Variants in ARID3B observed in about 807,000 individuals in gnomAD.
ARID3B encodes the protein AT-rich interactive domain-containing protein 3B.
A neutral mutation model predicts 51.9 loss-of-function variants in ARID3B; 10 were observed. The observed-to-expected ratio is 0.19, with a 90% CI of 0.12 to 0.33. The LOEUF is 0.33. Among genes scored for constraint, ARID3B ranks in the 10% least tolerant of loss-of-function variants. ARID3B has a pLI of 1.00. For synonymous variants in ARID3B, 205 were observed against 279.5 expected (o/e 0.73, Z 2.66); for missense variants, 483 against 716.3 (o/e 0.67, Z 3.72).
intron 8 of ARID3B, among the ~76,000 whole-genome samples, chr15:74,594,447 C>CA (rs922477270): frequency 1.0e-3 from 144 of 143,542 alleles, no homozygotes; most frequent in South Asian, 5.1e-3. Flanking sequence ...GACTCCGTCT[C>CA]AAAAAAAAAA....
intron 2 of ARID3B, among the ~76,000 whole-genome samples, chr15:74,570,613 A>G (rs2061715956): frequency 6.6e-6 from 1 of 152,182 alleles, no homozygotes; most frequent in Non-Finnish European, 1.5e-5. Context: ...CAGCTGACAT[A>G]ACAGAAGCGG....
At chr15:74,585,346 C>G (rs1354415656) in intron 4 of ARID3B, among the ~76,000 whole-genome samples, 2 of 152,190 alleles carry the variant, frequency 1.3e-5, no homozygotes, top group Admixed American at 1.3e-4. Context: ...GGCCAGAGAC[C>G]CCTTGCTCCC....
At chr15:74,590,051 GA>G in intron 5 of ARID3B, 48 bp downstream of exon 5, 1 of 1,537,058 alleles carries the variant, frequency 6.5e-7, no homozygotes, top group Non-Finnish European at 8.8e-7. Flanking sequence ...GGAGAAAGGG[GA>G]TGTTGTAACC....
At chr15:74,579,352 G>A (rs747068908) in intron 4 of ARID3B, among the ~76,000 whole-genome samples, 8 of 152,282 alleles carry the variant, frequency 5.3e-5, no homozygotes, top group East Asian at 1.9e-4. Context: ...GGGACGAGGC[G>A]CAGTGCCCTG....
chr15:74,569,238 C>T (rs528967756), intron 2 of ARID3B, among the ~76,000 whole-genome samples: 1 of 152,266 alleles, frequency 6.6e-6, no homozygotes, highest in South Asian at 2.1e-4. Flanking sequence ...CTGTAACCCA[C>T]CCAATGAAAG....
At chr15:74,587,394 G>A (rs770023624) in intron 4 of ARID3B, among the ~76,000 whole-genome samples, 8 of 152,212 alleles carry the variant, frequency 5.3e-5, no homozygotes, top group Non-Finnish European at 1.2e-4. Context: ...AGGAGCCAGT[G>A]CTGACACGAG....
At chr15:74,588,528 T>C (rs2061790056) in intron 4 of ARID3B, among the ~76,000 whole-genome samples, 1 of 152,144 alleles carries the variant, frequency 6.6e-6, no homozygotes, top group Admixed American at 6.6e-5. Context: ...CAGTAGTCTG[T>C]GTACAGTAAA....
intron 4 of ARID3B, among the ~76,000 whole-genome samples, chr15:74,589,097 G>T (rs754824950): frequency 7.5e-6 from 1 of 132,752 alleles, no homozygotes; most frequent in Non-Finnish European, 1.5e-5. Context: ...GTGTGATCTC[G>T]GCTCACTGCA....
chr15:74,572,676 CA>C (rs377466587), intron 2 of ARID3B, among the ~76,000 whole-genome samples, 185 bp from the exon 3 acceptor site: 421 of 140,224 alleles, frequency 3.0e-3, no homozygotes, highest in Middle Eastern at 7.3e-3. Flanking sequence ...AATCAAAAGC[CA>C]AAAAAAAAAA....
At chr15:74,582,437 G>A (rs1224814685) in intron 4 of ARID3B, among the ~76,000 whole-genome samples, 1 of 152,132 alleles carries the variant, frequency 6.6e-6, no homozygotes, top group African/African-American at 2.4e-5. Context: ...CAAAATGTTG[G>A]AATTACAGGC....
At chr15:74,572,807 C>G (rs2061723723) in intron 2 of ARID3B, 55 bp from the exon 3 acceptor site, 2 of 1,559,522 alleles carry the variant, frequency 1.3e-6, no homozygotes, top group Admixed American at 1.7e-5. Context: ...TGCCCTCTGT[C>G]CTAACTCTTT....
At position 74,586,647 on chromosome 15, in the gene ARID3B, T is replaced by C. The variant is rs141295063; in HGVS notation, c.698-3173T>C. ...ACTTTGGGAGGCTGAAGTGGGAGGATTGCTTGAGTCCAGGAGTTTGAGACC... is the reference window on the plus strand; with the variant it reads ...ACTTTGGGAGGCTGAAGTGGGAGGACTGCTTGAGTCCAGGAGTTTGAGACC... On this transcript the variant is annotated intron_variant, in intron 4 of 8. Coordinates refer to ENST00000346246, the MANE Select transcript of ARID3B (RefSeq NM_006465.4). 1.9e-3 allele frequency among the ~76,000 whole-genome samples: 296 copies of C among 152,284 alleles called. 1 individual carries two copies. Among genetic ancestry groups the C allele is most frequent in the African/African-American group, 6.4e-3 (265 of 41,558 alleles).
chr15:74,549,668 C>G (rs146236407), intron 2 of ARID3B, among the ~76,000 whole-genome samples: 131 of 152,072 alleles, frequency 8.6e-4, no homozygotes, highest in African/African-American at 3.1e-3. Context: ...AGAAAATGTT[C>G]GTAGGCTTTC....
At chr15:74,579,540 T>C (rs1024645911) in intron 4 of ARID3B, among the ~76,000 whole-genome samples, 2 of 152,176 alleles carry the variant, frequency 1.3e-5, no homozygotes, top group African/African-American at 4.8e-5. Flanking sequence ...GTGTCCATGA[T>C]TGTGTCTATC....
chr15:74,593,422 G>A (rs1205649133), intron 8 of ARID3B, among the ~76,000 whole-genome samples, 186 bp downstream of exon 8: 2 of 152,210 alleles, frequency 1.3e-5, no homozygotes, highest in Non-Finnish European at 2.9e-5. Flanking sequence ...TTAACAGGAT[G>A]ATAGGTCCCT....
At chr15:74,582,340 A>G (rs1419704021) in intron 4 of ARID3B, among the ~76,000 whole-genome samples, 1 of 151,782 alleles carries the variant, frequency 6.6e-6, no homozygotes, top group Non-Finnish European at 1.5e-5. Flanking sequence ...GCTAATTTTT[A>G]TATTTTTAAT....
At position 74,591,883 on chromosome 15, in the gene ARID3B, G is replaced by A. The variant is rs1813901759; in HGVS notation, c.1420+69G>A. 10 of 1,567,378 alleles carry A rather than the reference G, an allele frequency of 6.4e-6. No individual in the cohort carries two copies. The highest frequency in any genetic ancestry group is 8.7e-6 in the Non-Finnish European group (10 of 1,153,960). On this transcript the variant is annotated intron_variant, in intron 7 of 8. Transcript: ENST00000346246. This position sits in a 1 kb window ranked among gnomAD's most constrained non-coding sequence, Gnocchi z 5.8. ...AAGCCCATTCACGCCTCCTGGGACT[G>A]GTGGGGCAGGGGTGGTGAGGCACAT...
intron 1 of ARID3B, among the ~76,000 whole-genome samples, chr15:74,543,263 C>A (rs1269449305): frequency 6.6e-6 from 1 of 152,112 alleles, no homozygotes; most frequent in Non-Finnish European, 1.5e-5. Context: ...AGCAGGCTGG[C>A]AATTTGATCA....
intron 2 of ARID3B, among the ~76,000 whole-genome samples, chr15:74,554,582 T>G (rs1453730691): frequency 6.6e-6 from 1 of 152,224 alleles, no homozygotes; most frequent in Non-Finnish European, 1.5e-5. Context: ...GGATTACAAG[T>G]GTGAGCCACA....
Sources: gnomAD v4.1 joint callset for allele counts (sites outside exome capture counted in the v4.1 genomes callset) on GRCh38, gnomAD v4.1.1 for gene constraint, Gnocchi (gnomAD v3.1) non-coding constraint, MANE v1.5 for transcripts, NCBI Gene and HGNC (gene_info 2026-07-23, HGNC 2026-07-21) for gene names.